The following MNS1 variants were observed in gnomAD, a reference collection of about 807,000 sequenced individuals.
MNS1 encodes the protein meiosis-specific nuclear structural protein 1.
In MNS1, 63 loss-of-function variants were observed where a neutral mutation model predicts 72.0. The observed-to-expected ratio is 0.87, with a 90% CI of 0.71 to 1.08. The LOEUF (loss-of-function observed/expected upper bound fraction) is 1.08, where lower values mean the gene tolerates loss of function less well. MNS1 is among the 50% of genes least tolerant of loss of function. MNS1 has a pLI of 0.00. For missense variants in MNS1, 604 were observed against 562.4 expected, an observed-to-expected ratio of 1.07 and a Z score of -0.75; for synonymous variants, 188 against 172.1, an observed-to-expected ratio of 1.09 and a Z score of -0.72.
Position 56,443,486 on chromosome 15 carries a change from C to T in MNS1, c.955G>A (p.Val319Met). The T allele has an allele frequency of 6.2e-7, 1 of 1,600,296 alleles. No homozygotes were observed. Among genetic ancestry groups the T allele is most frequent in the Non-Finnish European group, 8.5e-7 (1 of 1,176,214 alleles). ...MLRQREDLEQ[V>M]RQELYQEEQA... is the part of the protein sequence containing the mutation. ...TCTTCCTGGTATAATTCTTGTCGCA[C>T]TTGTTCCAAATCTTCACGTTGCCGC... is the stretch of plus-strand genomic sequence containing the variant. Residue 319 changes from valine to methionine, a missense_variant, in exon 7 of 10, where the codon GTG becomes ATG. Physicochemically the swap from Val to Met is conservative, Grantham distance 21 (BLOSUM62 1). Transcript: ENST00000260453.
At chr15:56,454,607 TAA>T (rs1472691163) in intron 3 of MNS1, among the ~76,000 whole-genome samples, 1 of 152,178 alleles carries the variant, frequency 6.6e-6, no homozygotes, top group Non-Finnish European at 1.5e-5. Flanking sequence ...TGTTGGATTT[TAA>T]AAGTTTTATT....
At chr15:56,435,251 C>T (rs1226155752) in intron 7 of MNS1, among the ~76,000 whole-genome samples, 1 of 151,670 alleles carries the variant, frequency 6.6e-6, no homozygotes, top group Admixed American at 6.6e-5. Context: ...AATCTAAGCC[C>T]CCACTTCAAG....
At chr15:56,434,087 C>A in intron 8 of MNS1, 51 bp downstream of exon 8, 1 of 1,559,312 alleles carries the variant, frequency 6.4e-7, no homozygotes, top group Non-Finnish European at 8.7e-7. Flanking sequence ...GATAGATGAG[C>A]TATTGCTGTT....
At chr15:56,436,883 C>A (rs1246537723) in intron 7 of MNS1, among the ~76,000 whole-genome samples, 3 of 152,162 alleles carry the variant, frequency 2.0e-5, no homozygotes, top group African/African-American at 7.2e-5. Flanking sequence ...GACACATACA[C>A]CCTCCCAAGA....
Position 56,464,134 on chromosome 15 carries a change from C to G in MNS1, c.117G>C (p.Arg39Ser), listed in dbSNP as rs2051042037. ...CATTTTCATTCTGCACCATTTGATT[C>G]CTGATTTGACTGTTGACGTTTTTTA... ...QALKNVNSQI[R>S]NQMVQNENDN... The change falls in exon 2 of 10, where the codon AGG becomes AGC. Residue 39 changes from arginine (R) to serine (S), a missense_variant. Coordinates refer to ENST00000260453, the MANE Select transcript of MNS1 (RefSeq NM_018365.4). 9 of 1,613,914 alleles carry G rather than the reference C, an allele frequency of 5.6e-6. No homozygotes were observed. The South Asian group carries it at 9.9e-5, about 18-fold the overall frequency.
At chr15:56,435,100 T>G (rs1371592819) in intron 7 of MNS1, among the ~76,000 whole-genome samples, 1 of 151,970 alleles carries the variant, frequency 6.6e-6, no homozygotes, top group Middle Eastern at 3.2e-3. Context: ...TACATTGTAG[T>G]TAATAAAAGT....
chr15:56,463,143 T>C (rs2051033493), intron 2 of MNS1, among the ~76,000 whole-genome samples: 1 of 152,180 alleles, frequency 6.6e-6, no homozygotes, highest in Non-Finnish European at 1.5e-5. Context: ...CTATCATGTC[T>C]CAATTCTTAT....
At chr15:56,440,544 G>A (rs1387404634) in intron 7 of MNS1, among the ~76,000 whole-genome samples, 1 of 152,110 alleles carries the variant, frequency 6.6e-6, no homozygotes, top group Non-Finnish European at 1.5e-5. Context: ...ACTCATCAGA[G>A]CTAAATATTG....
At chr15:56,438,577 G>C (rs370998012) in intron 7 of MNS1, among the ~76,000 whole-genome samples, 1 of 152,064 alleles carries the variant, frequency 6.6e-6, no homozygotes, top group East Asian at 1.9e-4. Flanking sequence ...TCAGGACATA[G>C]GCATGGGCAA....
chr15:56,461,740 T>C (rs1468530625), intron 2 of MNS1, among the ~76,000 whole-genome samples: 1 of 147,206 alleles, frequency 6.8e-6, no homozygotes, highest in African/African-American at 2.5e-5. Context: ...AATTTGAGCA[T>C]CAAAAATAAT....
At position 56,431,504 on chromosome 15, in the gene MNS1, A is replaced by C. The variant is rs1358227863; in HGVS notation, c.1270-6T>G. 7 of 1,613,394 alleles carry C rather than the reference A, an allele frequency of 4.3e-6. No homozygotes were observed. In the East Asian group the frequency reaches 1.6e-4, roughly 36 times the overall value. On this transcript the variant is annotated splice_polypyrimidine_tract_variant and splice_region_variant and intron_variant, in intron 8 of 9. Coordinates refer to ENST00000260453, the MANE Select transcript of MNS1 (RefSeq NM_018365.4). ...CACTCTTCTAGTTCACGTTGCTGGA[A>C]ATGCAGATCAAATTTTGTTATCACA...
At chr15:56,445,466 C>G (rs2140361649) in intron 4 of MNS1, among the ~76,000 whole-genome samples, 2 of 152,098 alleles carry the variant, frequency 1.3e-5, no homozygotes, top group Middle Eastern at 6.8e-3. Flanking sequence ...AAAGAGTAAA[C>G]AGATTAAAAT....
At chr15:56,439,812 A>G (rs1294416570) in intron 7 of MNS1, among the ~76,000 whole-genome samples, 3 of 151,930 alleles carry the variant, frequency 2.0e-5, no homozygotes, top group African/African-American at 7.2e-5. Context: ...AGGAAAAAAA[A>G]AAGGAGAAAT....
chr15:56,442,563 A>G (rs1227378715), intron 7 of MNS1, among the ~76,000 whole-genome samples: 3 of 152,234 alleles, frequency 2.0e-5, no homozygotes, highest in African/African-American at 4.8e-5. Context: ...CAGCCATAAA[A>G]AAGAACAAAA....
chr15:56,462,986 A>C (rs1173772411), intron 2 of MNS1, among the ~76,000 whole-genome samples: 1 of 152,174 alleles, frequency 6.6e-6, no homozygotes, highest in Non-Finnish European at 1.5e-5. Flanking sequence ...TAAGCTTTTG[A>C]ATTTGGAACA....
intron 1 of MNS1, among the ~76,000 whole-genome samples, chr15:56,464,715 T>C (rs1433816279): frequency 6.6e-6 from 1 of 152,190 alleles, no homozygotes; most frequent in African/African-American, 2.4e-5. Flanking sequence ...CACTTTTATA[T>C]CTACTTATTT....
At chr15:56,437,173 T>G (rs2050741220) in intron 7 of MNS1, among the ~76,000 whole-genome samples, 1 of 152,116 alleles carries the variant, frequency 6.6e-6, no homozygotes, top group Non-Finnish European at 1.5e-5. Context: ...AAAAGAGAAT[T>G]TAAGACCAAT....
At chr15:56,460,013 C>CATAT (rs367624285) in intron 2 of MNS1, among the ~76,000 whole-genome samples, 701 of 34,600 alleles carry the variant, frequency 0.02, 82 homozygotes, top group South Asian at 0.11. Flanking sequence ...AAAAAAAATA[C>CATAT]ATATATATAT....
intron 2 of MNS1, among the ~76,000 whole-genome samples, chr15:56,457,548 C>T (rs1244846032): frequency 1.3e-5 from 2 of 152,082 alleles, no homozygotes; most frequent in Admixed American, 6.6e-5. Flanking sequence ...TGCAGCTGAG[C>T]GCTGTGGCTT....
Sources: allele counts gnomAD v4.1 joint callset (sites outside exome capture counted in the v4.1 genomes callset), GRCh38; gene constraint gnomAD v4.1.1; transcripts MANE v1.5; gene names NCBI Gene and HGNC (gene_info 2026-07-23, HGNC 2026-07-21).